GALNTL6: variants seen among roughly 807,000 people sequenced by gnomAD.
The protein encoded by GALNTL6 is polypeptide N-acetylgalactosaminyltransferase-like 6.
A neutral mutation model predicts 73.7 loss-of-function variants in GALNTL6; 46 were observed. The observed-to-expected ratio is 0.62, with a 90% CI of 0.49 to 0.80. GALNTL6 has a LOEUF of 0.80. Among genes scored for constraint, GALNTL6 ranks in the 30% least tolerant of loss-of-function variants. The pLI, the probability that GALNTL6 is intolerant of heterozygous loss-of-function variation, is 0.00. For synonymous variants in GALNTL6, 259 were observed against 263.7 expected, an observed-to-expected ratio of 0.98 and a Z score of 0.17; for missense variants, 604 against 755.0, an observed-to-expected ratio of 0.80 and a Z score of 2.34.
intron 2 of GALNTL6, among the ~76,000 whole-genome samples, chr4:172,110,925 T>G (rs1434327357): frequency 2.6e-5 from 4 of 152,088 alleles, no homozygotes; most frequent in Non-Finnish European, 4.4e-5. Context: ...ACAGTTCATT[T>G]GTTTTCTTGC....
chr4:172,191,106 A>T (rs571210294), intron 2 of GALNTL6, among the ~76,000 whole-genome samples: 1 of 152,344 alleles, frequency 6.6e-6, no homozygotes, highest in Non-Finnish European at 1.5e-5. Context: ...CTTCAAATGC[A>T]GTATGTTCAA....
At chr4:172,143,786 C>T (rs1050641879) in intron 2 of GALNTL6, among the ~76,000 whole-genome samples, 1 of 152,018 alleles carries the variant, frequency 6.6e-6, no homozygotes, top group Non-Finnish European at 1.5e-5. Context: ...TTAGATAGAA[C>T]GTTTTCCTCA....
At chr4:172,245,744 G>C (rs891394391) in intron 3 of GALNTL6, among the ~76,000 whole-genome samples, 4 of 152,044 alleles carry the variant, frequency 2.6e-5, no homozygotes, top group African/African-American at 9.7e-5. Flanking sequence ...GGGCCTTCTT[G>C]GCTCCATTAC....
intron 5 of GALNTL6, among the ~76,000 whole-genome samples, chr4:172,788,021 G>T (rs993942172): frequency 6.6e-6 from 1 of 152,170 alleles, no homozygotes; most frequent in South Asian, 2.1e-4. Context: ...TTTATCTGGT[G>T]TAGAGGAGAC....
At chr4:171,816,633 T>C (rs1734533668) in intron 2 of GALNTL6, among the ~76,000 whole-genome samples, 1 of 152,036 alleles carries the variant, frequency 6.6e-6, no homozygotes, top group East Asian at 1.9e-4. Flanking sequence ...TGAATGTCAG[T>C]CATCTACTTT....
chr4:172,746,422 G>A (rs1006574608), intron 5 of GALNTL6, among the ~76,000 whole-genome samples: 1 of 151,986 alleles, frequency 6.6e-6, no homozygotes, highest in African/African-American at 2.4e-5. Flanking sequence ...ACACTGAAAT[G>A]TTATCAAGTT....
chr4:172,319,282 G>A (rs1387923442), intron 4 of GALNTL6, among the ~76,000 whole-genome samples: 1 of 152,184 alleles, frequency 6.6e-6, no homozygotes, highest in East Asian at 1.9e-4. Context: ...TGTGATTGCG[G>A]CCAAAGGATA....
At chr4:171,834,684 A>C (rs933125060) in intron 2 of GALNTL6, among the ~76,000 whole-genome samples, 1 of 151,996 alleles carries the variant, frequency 6.6e-6, no homozygotes, top group African/African-American at 2.4e-5. Context: ...GTGCTTGAAA[A>C]GTGTGGATAT....
chr4:171,978,928 T>C (rs59522394), intron 2 of GALNTL6, among the ~76,000 whole-genome samples: 5,049 of 152,272 alleles, frequency 0.033, 205 homozygotes, highest in African/African-American at 0.096. Context: ...CATTGAAATA[T>C]AGTTATACAT....
intron 11 of GALNTL6, 97 bp downstream of exon 11, chr4:173,009,391 A>G (rs1343941007): frequency 2.3e-5 from 18 of 782,996 alleles, no homozygotes; most frequent in Non-Finnish European, 4.0e-5. Flanking sequence ...AATGGTGCAG[A>G]TGGTACTTGT....
At chr4:172,487,016 C>T (rs766892404) in intron 5 of GALNTL6, among the ~76,000 whole-genome samples, 1 of 152,150 alleles carries the variant, frequency 6.6e-6, no homozygotes, top group Non-Finnish European at 1.5e-5. Context: ...ACAATGCTAT[C>T]TATATACTTG....
intron 8 of GALNTL6, among the ~76,000 whole-genome samples, chr4:172,886,048 C>T (rs1745703910): frequency 6.6e-6 from 1 of 152,088 alleles, no homozygotes; most frequent in African/African-American, 2.4e-5. Flanking sequence ...CAGGATAATA[C>T]TGGCATTATA....
chr4:171,974,557 AT>A (rs1439168540), intron 2 of GALNTL6, among the ~76,000 whole-genome samples: 3 of 152,230 alleles, frequency 2.0e-5, no homozygotes, highest in Non-Finnish European at 4.4e-5. Context: ...GATTTTCCAC[AT>A]ATTGGACACA....
intron 4 of GALNTL6, among the ~76,000 whole-genome samples, chr4:172,327,058 C>T (rs1028200359): frequency 2.0e-5 from 3 of 151,700 alleles, no homozygotes; most frequent in Non-Finnish European, 4.4e-5. Context: ...ATAAGCTAAT[C>T]GATTAGATTA....
intron 2 of GALNTL6, among the ~76,000 whole-genome samples, chr4:171,937,330 T>C (rs77375455): frequency 0.011 from 1,645 of 152,238 alleles, 28 homozygotes; most frequent in African/African-American, 0.038. Flanking sequence ...TTTTTCCAAT[T>C]ATGTAAGTCT....
chr4:172,808,239 A>T (rs774336091), intron 5 of GALNTL6, among the ~76,000 whole-genome samples: 1 of 152,250 alleles, frequency 6.6e-6, no homozygotes, highest in Non-Finnish European at 1.5e-5. Flanking sequence ...AAACTACACT[A>T]GTTAATAAGA....
chr4:172,107,847 G>A (rs1304590364), intron 2 of GALNTL6, among the ~76,000 whole-genome samples: 1 of 151,946 alleles, frequency 6.6e-6, no homozygotes, highest in Non-Finnish European at 1.5e-5. Context: ...TAGTAAGCTG[G>A]TGTAAACAGA....
chr4:172,325,899 T>G (rs1300211276), intron 4 of GALNTL6, among the ~76,000 whole-genome samples: 2 of 151,768 alleles, frequency 1.3e-5, no homozygotes, highest in Admixed American at 1.3e-4. Flanking sequence ...CACTCTACAA[T>G]AGCAGAGTTT....
chr4:172,870,767 C>T (rs1393771480), intron 7 of GALNTL6, among the ~76,000 whole-genome samples: 1 of 152,170 alleles, frequency 6.6e-6, no homozygotes, highest in Non-Finnish European at 1.5e-5. Flanking sequence ...AATGACACTA[C>T]AAGTACATGA....
Sources: gnomAD v4.1 joint callset for allele counts (sites outside exome capture counted in the v4.1 genomes callset) on GRCh38, gnomAD v4.1.1 for gene constraint, MANE v1.5 for transcripts, NCBI Gene and HGNC (gene_info 2026-07-23, HGNC 2026-07-21) for gene names.